Variants in NMNAT3 observed in about 807,000 individuals in gnomAD.
NMNAT3 encodes the protein nicotinamide nucleotide adenylyltransferase 3, also known as nicotinamide/nicotinic acid mononucleotide adenylyltransferase 3.
NMNAT3 carries 21 observed loss-of-function variants against 24.8 expected under a neutral mutation model. That is an observed-to-expected ratio of 0.85 (90% CI 0.60 to 1.22). The LOEUF (loss-of-function observed/expected upper bound fraction) is 1.22. Among genes scored for constraint, NMNAT3 ranks in the 50% most tolerant of loss-of-function variants. The pLI, the probability that NMNAT3 is intolerant of heterozygous loss-of-function variation, is 0.00. For missense variants in NMNAT3, 387 were observed against 436.6 expected (o/e 0.89, Z 1.01); for synonymous variants, 136 against 155.2 (o/e 0.88, Z 0.92).
intron 1 of NMNAT3, among the ~76,000 whole-genome samples, chr3:139,659,216 T>C (rs1264327811): frequency 6.6e-6 from 1 of 152,256 alleles, no homozygotes; most frequent in Non-Finnish European, 1.5e-5. Context: ...GAATCGAGGC[T>C]ATTCTGTAAC....
At chr3:139,621,052 A>G (rs987572588) in intron 3 of NMNAT3, among the ~76,000 whole-genome samples, 14 of 152,084 alleles carry the variant, frequency 9.2e-5, no homozygotes, top group African/African-American at 3.4e-4. Context: ...CAAAGTGTTG[A>G]GATTACAGGC....
chr3:139,568,172 G>A (rs1937536857), intron 6 of NMNAT3: 1 of 152,096 alleles, frequency 6.6e-6, no homozygotes, highest in African/African-American at 2.4e-5. Context: ...GTATTTCTGT[G>A]GGATTGGTGG....
In NMNAT3 at chr3:139,583,117, C is replaced by T. The variant is rs1238104544; in HGVS notation, c.201G>A (p.Arg67=). Residue 67 remains arginine (R), a synonymous_variant, in exon 4 of 7, where the codon AGG becomes AGA. Transcript: ENST00000643695. ...TTTTGCTGCTAACATTATTTTGAAT[C>T]CTTTTTTGCAGATGAAAAGAAATAT... The T allele has an allele frequency of 2.6e-6, 4 of 1,529,794 alleles. No homozygotes were observed. Among genetic ancestry groups the T allele is most frequent in the Non-Finnish European group, 3.6e-6 (4 of 1,108,538 alleles). The allele number at this position is 1,529,794 out of a possible 1,614,324, so 94.8% of individuals were successfully genotyped here.
intron 2 of NMNAT3, chr3:139,637,331 A>T (rs1489545509): frequency 6.6e-6 from 1 of 152,262 alleles, no homozygotes; most frequent in Non-Finnish European, 1.5e-5. Context: ...GTTAGTAGCA[A>T]TAGTAGAGAA....
At chr3:139,677,592 C>A (rs898137621) in intron 1 of NMNAT3, 113 bp downstream of exon 1, 1 of 152,284 alleles carries the variant, frequency 6.6e-6, no homozygotes, top group African/African-American at 2.4e-5. Flanking sequence ...CGCCACCTGT[C>A]GCCCCAGCGG....
rs1191382916 is a variant in NMNAT3, at chr3:139,627,774, G to C, written c.-40-10C>G. The C allele has an allele frequency of 3.7e-6, 4 of 1,088,824 alleles. No individual in the cohort carries two copies. Among genetic ancestry groups the C allele is most frequent in the Non-Finnish European group, 5.3e-6 (4 of 750,958 alleles). 67.4% of individuals were successfully genotyped at this position (1,088,824 alleles called of 1,614,324 possible). ...TGCAGTGGCCACCCTGCTTTTATGG[G>C]GACAAAAGCTCATGTCAGGGAGTTA... On this transcript the variant is annotated splice_polypyrimidine_tract_variant and intron_variant, in intron 2 of 6. Coordinates refer to ENST00000643695, the MANE Select transcript of NMNAT3 (RefSeq NM_001320510.2).
intron 6 of NMNAT3, chr3:139,567,440 T>C (rs1279731703): frequency 6.6e-6 from 1 of 152,202 alleles, no homozygotes; most frequent in Non-Finnish European, 1.5e-5. Context: ...CTTGTGCCCG[T>C]TTTCAAAGGG....
At chr3:139,587,710 C>T (rs1388457255) in intron 3 of NMNAT3, among the ~76,000 whole-genome samples, 1 of 152,262 alleles carries the variant, frequency 6.6e-6, no homozygotes. Flanking sequence ...TTATAGAAAG[C>T]AAAGTAAGTT....
At chr3:139,677,391 G>A (rs1051928056) in intron 1 of NMNAT3, among the ~76,000 whole-genome samples, 1 of 152,236 alleles carries the variant, frequency 6.6e-6, no homozygotes, top group Non-Finnish European at 1.5e-5. Flanking sequence ...TAGACACTGT[G>A]CTTATATTTT....
intron 3 of NMNAT3, chr3:139,599,292 C>T (rs564137930): frequency 4.3e-6 from 3 of 702,016 alleles, no homozygotes; most frequent in African/African-American, 1.7e-5. Context: ...TAATTTGCCT[C>T]TTCCCTTTTG....
intron 1 of NMNAT3, among the ~76,000 whole-genome samples, chr3:139,652,782 A>G (rs1214040139): frequency 6.6e-6 from 1 of 152,202 alleles, no homozygotes; most frequent in African/African-American, 2.4e-5. Flanking sequence ...TTGAGATCCA[A>G]TAAACCACGC....
At chr3:139,582,639 C>CAAAAAAAAAAAAAAA (rs58495559) in intron 4 of NMNAT3, among the ~76,000 whole-genome samples, 1 of 57,486 alleles carries the variant, frequency 1.7e-5, no homozygotes, top group Non-Finnish European at 2.8e-5. Context: ...GGGACTGTCT[C>CAAAAAAAAAAAAAAA]AAAAAAAAAA....
intron 1 of NMNAT3, among the ~76,000 whole-genome samples, chr3:139,673,253 C>G (rs559577852): frequency 6.6e-6 from 1 of 152,288 alleles, no homozygotes; most frequent in African/African-American, 2.4e-5. Context: ...TGCTGCTACC[C>G]AAGATGAGAT....
chr3:139,602,467 G>A (rs1307129930), intron 3 of NMNAT3, among the ~76,000 whole-genome samples: 1 of 152,216 alleles, frequency 6.6e-6, no homozygotes, highest in East Asian at 1.9e-4. Context: ...ATTAATGTCA[G>A]TTCCTTCTGG....
intron 3 of NMNAT3, among the ~76,000 whole-genome samples, chr3:139,619,277 G>A (rs186236602): frequency 1.3e-5 from 2 of 152,130 alleles, no homozygotes; most frequent in Non-Finnish European, 2.9e-5. Flanking sequence ...ACTAACATAG[G>A]TAGAAGAGTC....
At chr3:139,676,538 A>G (rs1274451519) in intron 1 of NMNAT3, among the ~76,000 whole-genome samples, 1 of 152,144 alleles carries the variant, frequency 6.6e-6, no homozygotes, top group Non-Finnish European at 1.5e-5. Context: ...TCTGAGAAAA[A>G]CAGAGAAGCT....
At chr3:139,627,549 A>G (rs2056105952) in intron 3 of NMNAT3, 67 bp downstream of exon 4, 1 of 801,292 alleles carries the variant, frequency 1.2e-6, no homozygotes, top group Non-Finnish European at 1.9e-6. Flanking sequence ...TGATGCCAGC[A>G]GCCAGAAAAG....
intron 1 of NMNAT3, among the ~76,000 whole-genome samples, chr3:139,669,490 A>G (rs1423441077): frequency 6.6e-6 from 1 of 151,548 alleles, no homozygotes; most frequent in Non-Finnish European, 1.5e-5. Flanking sequence ...AAAAAAAAAA[A>G]AAAAAAAAAA....
intron 1 of NMNAT3, among the ~76,000 whole-genome samples, chr3:139,664,195 T>C (rs910008317): frequency 6.6e-6 from 1 of 152,202 alleles, no homozygotes; most frequent in Non-Finnish European, 1.5e-5. Context: ...GAGATTAACA[T>C]AGGAACCCTT....
Sources: gnomAD v4.1 joint callset for allele counts (sites outside exome capture counted in the v4.1 genomes callset) on GRCh38, gnomAD v4.1.1 for gene constraint, MANE v1.5 for transcripts, NCBI Gene and HGNC (gene_info 2026-07-23, HGNC 2026-07-21) for gene names.